Variants in CTNNA3 observed in about 807,000 individuals in gnomAD.
CTNNA3 encodes the protein catenin alpha 3, also known as catenin alpha-3.
A neutral mutation model predicts 95.7 loss-of-function variants in CTNNA3; 76 were observed. The ratio of observed to expected loss-of-function variants is 0.79; its 90% CI spans 0.66 to 0.96. The LOEUF (loss-of-function observed/expected upper bound fraction) is 0.96. CTNNA3 is among the 40% of genes least tolerant of loss of function. The pLI is 0.00. For missense variants in CTNNA3, 1,191 were observed against 1,089.8 expected (o/e 1.09, Z -1.31); for synonymous variants, 431 against 374.4 (o/e 1.15, Z -1.74).
intron 12 of CTNNA3, among the ~76,000 whole-genome samples, chr10:66,304,117 TAAAG>T (rs1288328674): frequency 6.6e-6 from 1 of 151,726 alleles, no homozygotes; most frequent in Non-Finnish European, 1.5e-5. Context: ...AGAAGTGAAA[TAAAG>T]AGATAGGACA....
chr10:66,588,190 A>G (rs1320004559), intron 10 of CTNNA3, among the ~76,000 whole-genome samples: 4 of 151,292 alleles, frequency 2.6e-5, no homozygotes, highest in Admixed American at 6.6e-5. Context: ...ATCTGCCTCC[A>G]TGGCCTGAAT....
intron 10 of CTNNA3, among the ~76,000 whole-genome samples, chr10:66,593,586 C>T (rs1843621007): frequency 6.6e-6 from 1 of 152,062 alleles, no homozygotes; most frequent in Admixed American, 6.6e-5. Context: ...TTAAGTGTCC[C>T]TTAAGCCACC....
intron 15 of CTNNA3, among the ~76,000 whole-genome samples, chr10:66,024,522 G>A (rs1019406086): frequency 1.3e-5 from 2 of 152,192 alleles, no homozygotes; most frequent in Non-Finnish European, 2.9e-5. Context: ...CTGTAAAGAT[G>A]TGTACTGATC....
rs139722169 is a variant in CTNNA3 at position 67,369,052 on chromosome 10, A to G, written c.580-149182T>C. 2.7e-3 allele frequency among the ~76,000 whole-genome samples: 409 copies of G among 152,306 alleles called. 4 individuals carry two copies. The highest frequency in any genetic ancestry group is 9.4e-3 in the African/African-American group (391 of 41,554). On this transcript the variant is annotated intron_variant, in intron 5 of 17. Coordinates refer to ENST00000433211, the MANE Select transcript of CTNNA3 (RefSeq NM_013266.4). ...TGAAGCAGGGGGATCTTTTGAGCCT[A>G]AAAGCTAGAAGGTAGCCTGGGCAAC...
chr10:66,971,799 G>C (rs986756336), intron 7 of CTNNA3, among the ~76,000 whole-genome samples: 3 of 151,968 alleles, frequency 2.0e-5, no homozygotes, highest in African/African-American at 7.3e-5. Flanking sequence ...AAGAGACCCT[G>C]TCATCTCTAC....
At chr10:66,632,172 A>G (rs1845160391) in intron 9 of CTNNA3, among the ~76,000 whole-genome samples, 1 of 152,134 alleles carries the variant, frequency 6.6e-6, no homozygotes, top group African/African-American at 2.4e-5. Context: ...AAATTTGTCT[A>G]TTAAATTTAT....
chr10:66,948,725 T>G (rs527874427), intron 7 of CTNNA3, among the ~76,000 whole-genome samples: 7 of 152,304 alleles, frequency 4.6e-5, no homozygotes, highest in Admixed American at 4.6e-4. Flanking sequence ...TTGAACATAT[T>G]AAATGATAAC....
rs2169578 is a variant in CTNNA3, at chr10:66,156,344, T to A, written c.1885-53095A>T. Among the ~76,000 whole-genome samples the A allele has an allele frequency of 6.6e-3, 998 of 152,108 alleles. 19 individuals carry two copies. Among genetic ancestry groups the A allele is most frequent in the African/African-American group, 0.022 (931 of 41,540 alleles). The stretch of plus-strand genomic sequence containing the variant: ...ATGTAAATGTCCTGTGATTTTGTTG[T>A]GATGTTGGACCACACTTTACAAATA... On this transcript the variant is annotated intron_variant, in intron 13 of 17. Coordinates refer to ENST00000433211, the MANE Select transcript of CTNNA3 (RefSeq NM_013266.4).
At chr10:66,004,878 C>T (rs565459449) in intron 15 of CTNNA3, among the ~76,000 whole-genome samples, 2 of 152,246 alleles carry the variant, frequency 1.3e-5, no homozygotes, top group African/African-American at 2.4e-5. Flanking sequence ...AGTTTCTTAT[C>T]GCTGCTGTAA....
intron 1 of CTNNA3, among the ~76,000 whole-genome samples, chr10:67,729,917 C>T (rs2133631091): frequency 6.6e-6 from 1 of 152,152 alleles, no homozygotes; most frequent in East Asian, 1.9e-4. Flanking sequence ...GGCAAGAAAA[C>T]TTTCACAACT....
At chr10:66,591,004 A>G (rs1199303370) in intron 10 of CTNNA3, among the ~76,000 whole-genome samples, 3 of 152,240 alleles carry the variant, frequency 2.0e-5, no homozygotes, top group Middle Eastern at 6.8e-3. Flanking sequence ...TTTAAATGAT[A>G]ATTATTTTCC....
At chr10:66,749,062 T>C (rs946386844) in intron 9 of CTNNA3, among the ~76,000 whole-genome samples, 28 of 151,136 alleles carry the variant, frequency 1.9e-4, no homozygotes, top group Admixed American at 1.8e-3. Context: ...AGTCACCATG[T>C]AGTCCCAGCT....
intron 9 of CTNNA3, among the ~76,000 whole-genome samples, chr10:66,671,055 A>G (rs1846641906): frequency 6.6e-6 from 1 of 152,190 alleles, no homozygotes; most frequent in Non-Finnish European, 1.5e-5. Flanking sequence ...GTTTAAACAA[A>G]GGAGAGAGGA....
chr10:66,769,196 A>G (rs60062247), intron 8 of CTNNA3, among the ~76,000 whole-genome samples: 5,220 of 152,320 alleles, frequency 0.034, 219 homozygotes, highest in East Asian at 0.23. Context: ...CAGGTGAAAA[A>G]GAACTATTGT....
intron 7 of CTNNA3, among the ~76,000 whole-genome samples, chr10:66,893,049 A>G (rs1481872003): frequency 2.0e-5 from 3 of 152,114 alleles, no homozygotes; most frequent in African/African-American, 7.2e-5. Context: ...AGATGTTACT[A>G]TACATGGTAA....
intron 1 of CTNNA3, among the ~76,000 whole-genome samples, chr10:67,680,739 A>G (rs1840611017): frequency 1.3e-5 from 2 of 152,238 alleles, no homozygotes; most frequent in South Asian, 4.1e-4. Flanking sequence ...TTACTTTAAG[A>G]AAGTTAATTT....
intron 9 of CTNNA3, among the ~76,000 whole-genome samples, chr10:66,728,685 T>A (rs1848855765): frequency 6.6e-6 from 1 of 152,096 alleles, no homozygotes; most frequent in Admixed American, 6.6e-5. Context: ...GTTTCCCGCG[T>A]TAAGTGATTC....
chr10:67,080,043 C>T (rs147064867), intron 7 of CTNNA3, among the ~76,000 whole-genome samples: 1 of 152,240 alleles, frequency 6.6e-6, no homozygotes, highest in Admixed American at 6.5e-5. Flanking sequence ...CTTCCTACAG[C>T]ATGCAGAATT....
chr10:66,063,808 C>T (rs2080258878), intron 15 of CTNNA3, among the ~76,000 whole-genome samples: 1 of 151,948 alleles, frequency 6.6e-6, no homozygotes, highest in South Asian at 2.1e-4. Flanking sequence ...GTAAAGATGT[C>T]TTGGAAATTT....
Sources: allele counts gnomAD v4.1 joint callset (sites outside exome capture counted in the v4.1 genomes callset), GRCh38; gene constraint gnomAD v4.1.1; transcripts MANE v1.5; gene names NCBI Gene and HGNC (gene_info 2026-07-23, HGNC 2026-07-21).